The following EMILIN2 variants were observed in gnomAD, a reference collection of about 807,000 sequenced individuals.
EMILIN2 encodes the protein EMILIN-2.
Under a neutral mutation model 87.1 loss-of-function variants are expected in EMILIN2, and 71 were observed. The ratio of observed to expected loss-of-function variants is 0.82; its 90% confidence interval spans 0.67 to 0.99. The LOEUF (loss-of-function observed/expected upper bound fraction) is 0.99. EMILIN2 is among the 50% of genes least tolerant of loss of function. The pLI, the probability that EMILIN2 is intolerant of heterozygous loss-of-function variation, is 0.00. For missense variants in EMILIN2, 1,407 were observed against 1,371.8 expected (o/e 1.03, Z -0.40); for synonymous variants, 581 against 563.4 (o/e 1.03, Z -0.44).
At chr18:2,865,121 AT>A (rs1311931471) in intron 2 of EMILIN2, among the ~76,000 whole-genome samples, 1 of 151,640 alleles carries the variant, frequency 6.6e-6, no homozygotes, top group African/African-American at 2.4e-5. Flanking sequence ...CATTTGTCTA[AT>A]TTTTTTTCAA....
chr18:2,883,336 G>A lies in EMILIN2; in HGVS notation c.258-1628G>A, dbSNP rs572657033. ...GGGAGTTGCTTTGCTGGGTAACCCC[G>A]CTGCTGCTATTGTCCCGCCTCCCCC... On this transcript the variant is annotated intron_variant, in intron 2 of 7. Coordinates refer to ENST00000254528, the MANE Select transcript of EMILIN2 (RefSeq NM_032048.3). Among the ~76,000 whole-genome samples, 15 of 152,288 alleles carry A rather than the reference G, an allele frequency of 9.8e-5. No individual in the cohort carries two copies. The South Asian group carries it at 2.7e-3, about 27-fold the overall frequency.
intron 2 of EMILIN2, among the ~76,000 whole-genome samples, chr18:2,872,396 A>G (rs149825616): frequency 1.3e-5 from 2 of 152,312 alleles, no homozygotes; most frequent in African/African-American, 4.8e-5. Context: ...TTTTTTTAAA[A>G]TAAAAAATTC....
chr18:2,906,407 G>C (rs1370602407), intron 4 of EMILIN2: 2 of 164,572 alleles, frequency 1.2e-5, no homozygotes, highest in Non-Finnish European at 2.6e-5. Context: ...GTTCAGAGAC[G>C]GTGCGGGGGT....
Position 2,906,857 on chromosome 18 carries a change from A to AGCGGCCCC in EMILIN2, c.2437_2444dup (p.Thr816AlafsTer83). ...GCCCGAGCCCGCCCCGCCGAGGCCC[A>AGCGGCCCC]GCGGCCCCGCAACCGCAGAGGACCC... is the stretch of plus-strand genomic sequence containing the variant. On this transcript the variant is annotated frameshift_variant, in exon 5 of 8. Transcript: ENST00000254528. LOFTEE classifies it high-confidence loss of function. 6 of 1,359,998 alleles carry AGCGGCCCC rather than the reference A, an allele frequency of 4.4e-6. No homozygotes were observed. The highest frequency in any genetic ancestry group is 5.7e-6 in the Non-Finnish European group (6 of 1,056,406). The allele number at this position is 1,359,998 out of a possible 1,614,324, so 84.2% of individuals were successfully genotyped here. A position where few individuals can be genotyped will look rare whatever the true frequency, so the allele number is the denominator to read the frequency against.
chr18:2,890,496 G>A lies in EMILIN2; in HGVS notation c.434-65G>A, dbSNP rs1455757382. ...GTATTTTGTAGGTACCTTGTTTATTGTCTTGGCAGAATCTGGCTAAAGGTA... is the reference window on the plus strand; with the variant it reads ...GTATTTTGTAGGTACCTTGTTTATTATCTTGGCAGAATCTGGCTAAAGGTA... On this transcript the variant is annotated intron_variant, in intron 3 of 7. Transcript: ENST00000254528. This position sits in a 1 kb window ranked among gnomAD's most constrained non-coding sequence, Gnocchi z 4.7. 5.3e-6 allele frequency: 8 copies of A among 1,508,896 alleles called. No individual in the cohort carries two copies. The African/African-American group carries it at 8.4e-5, about 16-fold the overall frequency. 93.5% of individuals were successfully genotyped at this position (1,508,896 alleles called of 1,614,324 possible). A position where few individuals can be genotyped will look rare whatever the true frequency, so the allele number is the denominator to read the frequency against.
Position 2,913,436 on chromosome 18 carries a change from A to T in EMILIN2, c.*32A>T, listed in dbSNP as rs772862945. On this transcript the variant is annotated 3_prime_UTR_variant, in exon 8 of 8. Coordinates refer to ENST00000254528, the MANE Select transcript of EMILIN2 (RefSeq NM_032048.3). ...TGGGGAGATGTCAGGGGAAAGATAG[A>T]TAGTTGTAAAAACTCTAAAGCTTTA... is the stretch of plus-strand genomic sequence containing the variant. The T allele has an allele frequency of 4.7e-6, 7 of 1,493,600 alleles. No homozygotes were observed. Among genetic ancestry groups the T allele is most frequent in the South Asian group, 3.9e-5 (3 of 77,008 alleles). The allele number at this position is 1,493,600 out of a possible 1,614,324, so 92.5% of individuals were successfully genotyped here. A position where few individuals can be genotyped will look rare whatever the true frequency, so the allele number is the denominator to read the frequency against.
At chr18:2,886,465 C>T (rs2076804016) in intron 3 of EMILIN2, among the ~76,000 whole-genome samples, 1 of 152,154 alleles carries the variant, frequency 6.6e-6, no homozygotes, top group African/African-American at 2.4e-5. Flanking sequence ...TTTCCCTTCC[C>T]ATGGGTAGTA....
chr18:2,913,012 T>G, intron 7 of EMILIN2, 55 bp from the exon 8 acceptor site: 1 of 1,579,446 alleles, frequency 6.3e-7, no homozygotes, highest in Non-Finnish European at 8.6e-7. Context: ...CTTACTACCA[T>G]GGCAAGGGCT....
Position 2,890,692 on chromosome 18 carries a change from G to C in EMILIN2, c.565G>C (p.Glu189Gln). 1 of 1,614,192 alleles carries C rather than the reference G, an allele frequency of 6.2e-7. No homozygotes were observed. Among genetic ancestry groups the C allele is most frequent in the South Asian group, 1.1e-5 (1 of 91,082 alleles). Residue 189 changes from glutamate to glutamine, a missense_variant, in exon 4 of 8, where the codon GAG becomes CAG. Glu to Gln is a conservative substitution (Grantham distance 29). Coordinates refer to ENST00000254528, the MANE Select transcript of EMILIN2 (RefSeq NM_032048.3). The surrounding 1 kb of genome is among the most constrained non-coding windows in gnomAD (Gnocchi z 4.7). ...GGAAAAGAAGATACAGGTGCTAGAG[G>C]AGAAGGTTCTTCGACTCACAAGGAC... ...LQEKKIQVLE[E>Q]KVLRLTRTVL...
Position 2,847,376 on chromosome 18 carries a change from A to T in EMILIN2, c.134+54A>T. On this transcript the variant is annotated intron_variant, in intron 1 of 7. Transcript: ENST00000254528. This position sits in a 1 kb window ranked among gnomAD's most constrained non-coding sequence, Gnocchi z 4.5. ...AACCGCCTACCCCTCCCCGGCCCCC[A>T]GTTGAGCCCCAGAGCTGCCCTGCCA... 8.0e-7 allele frequency: 1 copy of T among 1,251,000 alleles called. No individual in the cohort carries two copies. Among genetic ancestry groups the T allele is most frequent in the Non-Finnish European group, 1.0e-6 (1 of 994,440 alleles). 77.5% of individuals were successfully genotyped at this position (1,251,000 alleles called of 1,614,324 possible).
chr18:2,853,387 T>C (rs654867), intron 2 of EMILIN2, among the ~76,000 whole-genome samples: 151,061 of 152,230 alleles, frequency 0.99, 74,965 homozygotes, highest in Middle Eastern at 1. Context: ...TCTCCGGAGC[T>C]GCTGTAAAAG....
At position 2,858,601 on chromosome 18, in the gene EMILIN2, A is replaced by ATATATATG. The variant is rs745894577; in HGVS notation, c.257+10671_257+10672insATATATGT. On this transcript the variant is annotated intron_variant, in intron 2 of 7. Transcript: ENST00000254528. ...TGTGTGTGTATATATATATATATAT[A>ATATATATG]TGTGTATATATATATATGTTCCACA... Among the ~76,000 whole-genome samples, 205 of 103,598 alleles carry ATATATATG rather than the reference A, an allele frequency of 2.0e-3. 12 individuals are homozygous for ATATATATG. Among genetic ancestry groups the ATATATATG allele is most frequent in the South Asian group, 8.3e-3 (28 of 3,390 alleles). 68.0% of individuals were successfully genotyped at this position (103,598 alleles called of 152,430 possible).
At chr18:2,865,379 C>G (rs1454953349) in intron 2 of EMILIN2, among the ~76,000 whole-genome samples, 1 of 152,174 alleles carries the variant, frequency 6.6e-6, no homozygotes, top group Non-Finnish European at 1.5e-5. Context: ...TGGTGACGTA[C>G]AGTTGGGGTT....
intron 7 of EMILIN2, among the ~76,000 whole-genome samples, chr18:2,910,052 G>A (rs368185156): frequency 2.0e-5 from 3 of 152,254 alleles, no homozygotes; most frequent in African/African-American, 7.2e-5. Flanking sequence ...TTTTCTAGTC[G>A]TGAGGTCAAC....
chr18:2,886,568 C>T (rs951948999), intron 3 of EMILIN2, among the ~76,000 whole-genome samples: 16 of 152,180 alleles, frequency 1.1e-4, no homozygotes, highest in African/African-American at 3.1e-4. Flanking sequence ...CTTTCATCCA[C>T]TCCTCAACAC....
chr18:2,868,688 C>A (rs899466451), intron 2 of EMILIN2, among the ~76,000 whole-genome samples: 1 of 152,236 alleles, frequency 6.6e-6, no homozygotes, highest in Non-Finnish European at 1.5e-5. Flanking sequence ...CGCAGGCACT[C>A]GGCAGGCTGA....
At chr18:2,904,124 TTC>T (rs2076899620) in intron 4 of EMILIN2, among the ~76,000 whole-genome samples, 1 of 152,262 alleles carries the variant, frequency 6.6e-6, no homozygotes, top group African/African-American at 2.4e-5. Flanking sequence ...GACAATTACA[TTC>T]TAGCATTGTT....
At chr18:2,854,835 C>T (rs1023061898) in intron 2 of EMILIN2, among the ~76,000 whole-genome samples, 3 of 152,222 alleles carry the variant, frequency 2.0e-5, no homozygotes, top group East Asian at 3.9e-4. Context: ...CTGCAGGGAT[C>T]GGGGGAAAGA....
intron 2 of EMILIN2, among the ~76,000 whole-genome samples, chr18:2,851,209 G>A (rs983440333): frequency 4.6e-5 from 7 of 151,798 alleles, no homozygotes; most frequent in Admixed American, 1.3e-4. Context: ...AGGCTGAGGC[G>A]GGAGGATCAC....
Sources: allele counts gnomAD v4.1 joint callset (sites outside exome capture counted in the v4.1 genomes callset), GRCh38; gene constraint gnomAD v4.1.1; non-coding constraint Gnocchi (gnomAD v3.1); transcripts MANE v1.5; gene names NCBI Gene and HGNC (gene_info 2026-07-23, HGNC 2026-07-21).